IRAK2: variants seen among roughly 807,000 people sequenced by gnomAD.
IRAK2 encodes the protein interleukin-1 receptor-associated kinase-like 2.
A neutral mutation model predicts 72.0 loss-of-function variants in IRAK2; 57 were observed. That is an observed-to-expected ratio of 0.79 (90% CI 0.64 to 0.99). The LOEUF (loss-of-function observed/expected upper bound fraction) is 0.99. Ranked by LOEUF, IRAK2 falls within the 50% of genes least tolerant of loss-of-function variation. The probability of loss-of-function intolerance (pLI) is 0.00; values close to 1 mark genes in which losing one functional copy is unlikely to be tolerated. For synonymous variants in IRAK2, 293 were observed against 312.7 expected (o/e 0.94, Z 0.67); for missense variants, 790 against 794.4 (o/e 0.99, Z 0.07).
rs1450449476 is a variant in IRAK2 at position 10,222,814 on chromosome 3, A to G, written c.1192A>G (p.Ile398Val). Residue 398 changes from isoleucine to valine, a missense_variant, in exon 9 of 13, where the codon ATC becomes GTC. Ile to Val is a conservative substitution (Grantham distance 29). Coordinates refer to ENST00000256458, the MANE Select transcript of IRAK2 (RefSeq NM_001570.4). ...RVGQLTKRVD[I>V]FSCGIVLAEV... ...GGGGCAGCTGACAAAGCGAGTGGAC[A>G]TCTTCAGCTGTGGAATAGTAAGAGT... 5 of 1,614,038 alleles carry G rather than the reference A, an allele frequency of 3.1e-6. No individual in the cohort carries two copies. Among genetic ancestry groups the G allele is most frequent in the Non-Finnish European group, 4.2e-6 (5 of 1,180,008 alleles).
At chr3:10,229,111 T>G (rs1697822410) in intron 10 of IRAK2, among the ~76,000 whole-genome samples, 1 of 152,016 alleles carries the variant, frequency 6.6e-6, no homozygotes, top group South Asian at 2.1e-4. Context: ...TTTTTGTATT[T>G]TTTTTAGTAG....
At chr3:10,194,923 C>T (rs892526549) in intron 2 of IRAK2, among the ~76,000 whole-genome samples, 3 of 152,114 alleles carry the variant, frequency 2.0e-5, no homozygotes, top group Non-Finnish European at 4.4e-5. Context: ...GACCTGGTGC[C>T]TCTTGTGTGG....
intron 1 of IRAK2, among the ~76,000 whole-genome samples, chr3:10,174,616 C>G (rs958896344): frequency 6.6e-6 from 1 of 152,052 alleles, no homozygotes; most frequent in African/African-American, 2.4e-5. Context: ...CCTCTGCCTC[C>G]CGGGTTCAAG....
At chr3:10,195,279 G>T (rs1225144730) in intron 2 of IRAK2, among the ~76,000 whole-genome samples, 1 of 152,194 alleles carries the variant, frequency 6.6e-6, no homozygotes. Context: ...ACACTGGACT[G>T]GGAGCAGTGG....
chr3:10,235,579 G>T (rs567102155), intron 11 of IRAK2, among the ~76,000 whole-genome samples: 1 of 152,286 alleles, frequency 6.6e-6, no homozygotes, highest in South Asian at 2.1e-4. Flanking sequence ...GAATACTCAG[G>T]AATTGCTGTT....
At chr3:10,168,088 C>A (rs1490600737) in intron 1 of IRAK2, among the ~76,000 whole-genome samples, 3 of 151,778 alleles carry the variant, frequency 2.0e-5, no homozygotes, top group Admixed American at 1.3e-4. Flanking sequence ...TGAGCCACTG[C>A]ATCTGGCTTT....
chr3:10,193,711 G>GT (rs1697219231), intron 2 of IRAK2, among the ~76,000 whole-genome samples: 1 of 152,242 alleles, frequency 6.6e-6, no homozygotes, highest in African/African-American at 2.4e-5. Context: ...TAGATTAGCT[G>GT]TTCCTTCCGT....
chr3:10,231,723 C>A (rs995425300), intron 10 of IRAK2, among the ~76,000 whole-genome samples: 1 of 152,114 alleles, frequency 6.6e-6, no homozygotes, highest in African/African-American at 2.4e-5. Flanking sequence ...ACTTTGTTGC[C>A]CAGGCGAGTT....
chr3:10,177,639 C>T (rs1696896910), intron 1 of IRAK2, among the ~76,000 whole-genome samples, 199 bp from the exon 2 acceptor site: 1 of 152,216 alleles, frequency 6.6e-6, no homozygotes, highest in South Asian at 2.1e-4. Context: ...GTCATATGTA[C>T]TGGACCCCAT....
chr3:10,238,240 C>T (rs546979347), intron 11 of IRAK2, among the ~76,000 whole-genome samples: 41 of 152,228 alleles, frequency 2.7e-4, no homozygotes, highest in African/African-American at 9.4e-4. Context: ...GGAAGTTAGA[C>T]CCAGGATCTC....
chr3:10,238,662 C>T (rs1196718190), intron 11 of IRAK2, 86 bp from the exon 12 acceptor site: 13 of 1,299,326 alleles, frequency 1.0e-5, no homozygotes, highest in East Asian at 4.6e-5. Flanking sequence ...CTGCTCCCCG[C>T]CCCCTCTCTG....
intron 1 of IRAK2, among the ~76,000 whole-genome samples, chr3:10,166,659 T>C (rs1352455647): frequency 2.6e-5 from 4 of 152,204 alleles, no homozygotes; most frequent in African/African-American, 9.6e-5. Context: ...TCATTTTTAT[T>C]TTTTTGAGAC....
intron 1 of IRAK2, among the ~76,000 whole-genome samples, chr3:10,175,253 T>A (rs2125141263): frequency 6.6e-6 from 1 of 152,058 alleles, no homozygotes; most frequent in South Asian, 2.1e-4. Context: ...GCCTCCCGAG[T>A]AGCTGGGAGA....
At chr3:10,210,058 T>C (rs530302544) in intron 4 of IRAK2, among the ~76,000 whole-genome samples, 2 of 152,182 alleles carry the variant, frequency 1.3e-5, no homozygotes, top group Admixed American at 1.3e-4. Flanking sequence ...TAGCTGGGAT[T>C]ACAGGTGCAT....
chr3:10,236,861 A>T (rs1367134312), intron 11 of IRAK2, among the ~76,000 whole-genome samples: 1 of 152,230 alleles, frequency 6.6e-6, no homozygotes, highest in Non-Finnish European at 1.5e-5. Flanking sequence ...TATTCTCTTT[A>T]GTGTAACAGT....
Position 10,242,385 on chromosome 3 carries a change from T to A in IRAK2, c.*157T>A. 2.1e-6 allele frequency: 1 copy of A among 476,082 alleles called. No homozygotes were observed. The highest frequency in any genetic ancestry group is 3.8e-5 in the Admixed American group (1 of 26,266). 29.5% of individuals were successfully genotyped at this position (476,082 alleles called of 1,614,324 possible). A position where few individuals can be genotyped will look rare whatever the true frequency, so the allele number is the denominator to read the frequency against. On this transcript the variant is annotated 3_prime_UTR_variant, in exon 13 of 13. Transcript: ENST00000256458. Reference sequence around the variant, plus strand: ...GGAAACTTCATTTCACTGGAATGAGTTGGGAGAGAAAGGCCCTCAGCTTTT... The same window carrying A: ...GGAAACTTCATTTCACTGGAATGAGATGGGAGAGAAAGGCCCTCAGCTTTT...
At position 10,217,039 on chromosome 3, in the gene IRAK2, G is replaced by C. The variant is rs754307853; in HGVS notation, c.894G>C (p.Leu298=). ...CAAATGGTTCCCTACAGGACAGACT[G>C]CAGGGTCAGGTAAGGGACTGGGTCA... ...YMANGSLQDR[L]QGQGGSDPLP... is the part of the protein sequence containing the mutation. Residue 298 remains leucine, a synonymous_variant, in exon 7 of 13, where the codon CTG becomes CTC. Coordinates refer to ENST00000256458, the MANE Select transcript of IRAK2 (RefSeq NM_001570.4). The C allele has an allele frequency of 6.2e-7, 1 of 1,610,134 alleles. No homozygotes were observed. The highest frequency in any genetic ancestry group is 1.1e-5 in the South Asian group (1 of 90,986).
intron 1 of IRAK2, among the ~76,000 whole-genome samples, chr3:10,176,712 T>C (rs904782504): frequency 2.6e-5 from 4 of 151,580 alleles, no homozygotes; most frequent in African/African-American, 7.3e-5. Context: ...CTCCTGACCT[T>C]GCGATCTGCC....
chr3:10,197,610 T>A (rs1697290136), intron 2 of IRAK2, among the ~76,000 whole-genome samples: 2 of 152,098 alleles, frequency 1.3e-5, no homozygotes, highest in African/African-American at 4.8e-5. Context: ...CCCAGCACTT[T>A]GGGAGGCTGA....
Sources: gnomAD v4.1 joint callset for allele counts (sites outside exome capture counted in the v4.1 genomes callset) on GRCh38, gnomAD v4.1.1 for gene constraint, MANE v1.5 for transcripts, NCBI Gene and HGNC (gene_info 2026-07-23, HGNC 2026-07-21) for gene names.